The following NLGN4X variants were observed in gnomAD, a reference collection of about 807,000 sequenced individuals.
NLGN4X encodes the protein neuroligin 4 X-linked.
In NLGN4X, 3 loss-of-function variants were observed where a neutral mutation model predicts 40.3. The observed-to-expected ratio is 0.07, with a 90% CI of 0.03 to 0.19. The LOEUF (loss-of-function observed/expected upper bound fraction) is 0.19. Among genes scored for constraint, NLGN4X ranks in the 10% least tolerant of loss-of-function variants. The probability of loss-of-function intolerance (pLI) is 1.00; values close to 1 mark genes in which losing one functional copy is unlikely to be tolerated. For missense variants in NLGN4X, 382 were observed against 708.3 expected (o/e 0.54, Z 5.23); for synonymous variants, 270 against 306.8 (o/e 0.88, Z 1.25).
At chrX:6,139,470 G>C (rs1229277660) in intron 2 of NLGN4X, among the ~76,000 whole-genome samples, 1 of 111,714 alleles carries the variant, frequency 9.0e-6, no homozygotes, top group African/African-American at 3.3e-5. Context: ...CTTCTCCCCA[G>C]TTTTGCATCT....
intron 1 of NLGN4X, 61 bp from the exon 2 acceptor site, chrX:6,151,832 G>A (rs891003535): frequency 1.2e-5 from 3 of 254,842 alleles, no homozygotes; most frequent in Non-Finnish European, 1.4e-5. Context: ...CTAGAACACT[G>A]GCTGGCTCTT....
chrX:5,966,090 C>A (rs1257901356), intron 3 of NLGN4X, among the ~76,000 whole-genome samples: 1 of 111,990 alleles, frequency 8.9e-6, no homozygotes, highest in Non-Finnish European at 1.9e-5. Flanking sequence ...ATCAACTTCT[C>A]CATAGAAACA....
At chrX:5,904,499 T>C in intron 4 of NLGN4X, among the ~76,000 whole-genome samples, 1 of 112,077 alleles carries the variant, frequency 8.9e-6, no homozygotes, top group Non-Finnish European at 1.9e-5. Flanking sequence ...AGGAGTATTT[T>C]TTAGGTCACT....
rs1341707434 is a variant in NLGN4X, at chrX:5,995,572, T to C, written c.625+33708A>G. 1.2e-4 allele frequency among the ~76,000 whole-genome samples: 13 copies of C among 111,992 alleles called. No homozygotes were observed. The Admixed American group carries it at 1.2e-3, about 11-fold the overall frequency. Reference sequence around the variant, plus strand: ...GAGCACACTGGGCTTTACCTAATGGTTCAATGTAGGCTTAAGAAACAGCTG... The same window carrying C: ...GAGCACACTGGGCTTTACCTAATGGCTCAATGTAGGCTTAAGAAACAGCTG... On this transcript the variant is annotated intron_variant, in intron 3 of 5. Coordinates refer to ENST00000381095, the MANE Select transcript of NLGN4X (RefSeq NM_181332.3).
At chrX:5,937,724 G>A (rs765822747) in intron 3 of NLGN4X, among the ~76,000 whole-genome samples, 1 of 111,185 alleles carries the variant, frequency 9.0e-6, no homozygotes, top group Non-Finnish European at 1.9e-5. Context: ...ACTATTGGTT[G>A]GATGAACACA....
At chrX:5,897,943 CCT>C (rs1214694209) in intron 5 of NLGN4X, among the ~76,000 whole-genome samples, 7 of 96,783 alleles carry the variant, frequency 7.2e-5, no homozygotes, top group East Asian at 3.8e-4. Context: ...CCTCCTTTTC[CCT>C]GTTTTCCTTC....
chrX:6,049,609 G>A (rs2037424922), intron 2 of NLGN4X, among the ~76,000 whole-genome samples: 1 of 108,204 alleles, frequency 9.2e-6, no homozygotes, highest in Non-Finnish European at 1.9e-5. Context: ...AAATTACATG[G>A]GTTTGTATGT....
rs2031328782 is a variant in NLGN4X at position 5,893,658 on chromosome X, T to C, written c.1610A>G (p.Asn537Ser). ...CTTGGTATCCTGAGGAACTGGTTGATTTGGATCACTGAGGATAGAAGGAAG... is the reference window on the plus strand; with the variant it reads ...CTTGGTATCCTGAGGAACTGGTTGACTTGGATCACTGAGGATAGAAGGAAG... ...WTNFAKTGDP[N>S]QPVPQDTKFI... The change falls in exon 6 of 6, where the codon AAT becomes AGT. Residue 537 changes from asparagine to serine, a missense_variant. Transcript: ENST00000381095. 1 of 1,209,171 alleles carries C rather than the reference T, an allele frequency of 8.3e-7. No homozygotes were observed. Among genetic ancestry groups the C allele is most frequent in the Non-Finnish European group, 1.1e-6 (1 of 894,972 alleles).
chrX:6,205,530 A>G (rs1174083239), intron 1 of NLGN4X, among the ~76,000 whole-genome samples: 2 of 112,919 alleles, frequency 1.8e-5, no homozygotes, highest in African/African-American at 6.4e-5. Context: ...ATGAATAACA[A>G]AACTCTATGT....
chrX:6,095,100 TGC>T (rs1324528672), intron 2 of NLGN4X, among the ~76,000 whole-genome samples: 705 of 28,265 alleles, frequency 0.025, 4 homozygotes, highest in Non-Finnish European at 0.028. Context: ...AGTACGTGCG[TGC>T]GTGTGTGTGT....
At chrX:5,998,527 G>A (rs1211838740) in intron 3 of NLGN4X, among the ~76,000 whole-genome samples, 1 of 111,656 alleles carries the variant, frequency 9.0e-6, no homozygotes, top group African/African-American at 3.3e-5. Context: ...CCATGTGTAT[G>A]AAACACTTGG....
Position 5,905,951 on chromosome X carries a change from G to C in NLGN4X, c.812-2085C>G, listed in dbSNP as rs200342807. 6.2e-5 allele frequency among the ~76,000 whole-genome samples: 7 copies of C among 112,312 alleles called. No homozygotes were observed. The East Asian group carries it at 2.0e-3, about 32-fold the overall frequency. On this transcript the variant is annotated intron_variant, in intron 4 of 5. Transcript: ENST00000381095. Reference sequence around the variant, plus strand: ...GGATGATAGACAGGCAGGAGCCTCAGTGCCTGGCTTGTATTTTTCATAATT... The same window carrying C: ...GGATGATAGACAGGCAGGAGCCTCACTGCCTGGCTTGTATTTTTCATAATT...
chrX:6,089,663 G>A (rs942867254), intron 2 of NLGN4X, among the ~76,000 whole-genome samples: 1 of 112,342 alleles, frequency 8.9e-6, no homozygotes, highest in African/African-American at 3.2e-5. Context: ...TATGTGTTGG[G>A]GCGGATAAGG....
intron 2 of NLGN4X, among the ~76,000 whole-genome samples, chrX:6,102,116 T>C (rs550238248): frequency 6.3e-5 from 7 of 111,720 alleles, no homozygotes; most frequent in South Asian, 3.7e-4. Flanking sequence ...GGCCTAATTG[T>C]ACATTTTAAA....
chrX:5,956,545 A>C (rs2034498870), intron 3 of NLGN4X, among the ~76,000 whole-genome samples: 2 of 111,787 alleles, frequency 1.8e-5, no homozygotes, highest in South Asian at 7.4e-4. Context: ...CACCCAAACT[A>C]TCTCTCTCAT....
chrX:5,986,915 C>A (rs1165210004), intron 3 of NLGN4X, among the ~76,000 whole-genome samples: 1 of 112,157 alleles, frequency 8.9e-6, no homozygotes, highest in Non-Finnish European at 1.9e-5. Flanking sequence ...TACTGGAAAA[C>A]AGTTCATCCT....
At chrX:6,207,992 CA>C (rs1200718077) in intron 1 of NLGN4X, among the ~76,000 whole-genome samples, 1 of 111,706 alleles carries the variant, frequency 9.0e-6, no homozygotes, top group Non-Finnish European at 1.9e-5. Flanking sequence ...CACAGAATAT[CA>C]AAAGTTCTTA....
At chrX:6,140,172 C>T (rs778152539) in intron 2 of NLGN4X, among the ~76,000 whole-genome samples, 2 of 111,541 alleles carry the variant, frequency 1.8e-5, no homozygotes, top group South Asian at 3.8e-4. Context: ...ACCACAAGAG[C>T]TCCTTTGCCT....
chrX:6,103,861 C>T (rs1297654303), intron 2 of NLGN4X, among the ~76,000 whole-genome samples: 3 of 112,313 alleles, frequency 2.7e-5, no homozygotes, highest in Admixed American at 9.5e-5. Context: ...CTAAAGCACA[C>T]GCACCTTATG....
Sources: gnomAD v4.1 joint callset for allele counts (sites outside exome capture counted in the v4.1 genomes callset) on GRCh38, gnomAD v4.1.1 for gene constraint, MANE v1.5 for transcripts, NCBI Gene and HGNC (gene_info 2026-07-23, HGNC 2026-07-21) for gene names.